Variants in AGL observed in about 807,000 individuals in gnomAD.
The protein encoded by AGL is glycogen debranching enzyme.
AGL carries 128 observed loss-of-function variants against 199.3 expected under a neutral mutation model. The observed-to-expected ratio is 0.64, with a 90% CI of 0.56 to 0.74. The LOEUF is 0.74. Ranked by LOEUF, AGL falls within the 30% of genes least tolerant of loss-of-function variation. AGL has a pLI of 0.00. For missense variants in AGL, 1,809 were observed against 1,820.8 expected (o/e 0.99, Z 0.12); for synonymous variants, 584 against 594.7 (o/e 0.98, Z 0.26).
At chr1:99,871,396 C>T (rs931332942) in intron 7 of AGL, among the ~76,000 whole-genome samples, 2 of 123,122 alleles carry the variant, frequency 1.6e-5, no homozygotes, top group African/African-American at 6.8e-5. Context: ...CATAACTAAT[C>T]AAGCAGTTAA....
chr1:99,857,534 GTGAA>G (rs1012876330), intron 2 of AGL, among the ~76,000 whole-genome samples: 4 of 152,074 alleles, frequency 2.6e-5, no homozygotes, highest in African/African-American at 7.2e-5. Context: ...TGAGCACTGA[GTGAA>G]TGAGACTCCG....
In AGL at chr1:99,884,619, A is replaced by G. The variant is rs367713487; in HGVS notation, c.2597A>G (p.His866Arg). The change falls in exon 20 of 34, where the codon CAT becomes CGT. Residue 866 changes from histidine to arginine, a missense_variant. By Grantham distance (29) the His-to-Arg change is conservative. Coordinates refer to ENST00000361915, the MANE Select transcript of AGL (RefSeq NM_000642.3). ...AQVAVGILRNHLTQFSPHFKS... is the reference protein window; with the variant it reads ...AQVAVGILRNRLTQFSPHFKS... ...GTCGCTGTTGGAATTCTTCGAAATC[A>G]TCTGACACAATTCAGTCCTCACTTT... 6.2e-7 allele frequency: 1 copy of G among 1,613,960 alleles called. No homozygotes were observed. The highest frequency in any genetic ancestry group is 8.5e-7 in the Non-Finnish European group (1 of 1,179,884).
At chr1:99,871,874 C>G (rs1651046233) in intron 7 of AGL, among the ~76,000 whole-genome samples, 1 of 151,884 alleles carries the variant, frequency 6.6e-6, no homozygotes, top group African/African-American at 2.4e-5. Context: ...CTCTTCTTTC[C>G]CAAAACCCAC....
At chr1:99,913,848 T>C (rs1654927482) in intron 30 of AGL, 110 bp downstream of exon 30, 6 of 1,021,092 alleles carry the variant, frequency 5.9e-6, no homozygotes, top group Non-Finnish European at 6.1e-6. Context: ...AGTAGTATAT[T>C]GCTTACTAGC....
chr1:99,891,483 T>G, intron 22 of AGL, 123 bp from the exon 23 acceptor site: 1 of 1,517,326 alleles, frequency 6.6e-7, no homozygotes, highest in South Asian at 1.1e-5. Flanking sequence ...CATCTTTCAG[T>G]TATAATAAAT....
At chr1:99,861,455 G>A in intron 2 of AGL, 48 bp from the exon 3 acceptor site, 3 of 1,611,792 alleles carry the variant, frequency 1.9e-6, no homozygotes, top group Non-Finnish European at 2.5e-6. Flanking sequence ...TTTCAATGTG[G>A]TAATTTAAGT....
At position 99,874,696 on chromosome 1, in the gene AGL, G is replaced by C. The variant is rs139399527; in HGVS notation, c.968G>C (p.Arg323Pro). The stretch of plus-strand genomic sequence containing the variant: ...CTTTTCTTTCTTTTAGAAAATAGGC[G>C]AGTAACCAAGTCTGATCCAAACCAA... ...FRRLLTQENR[R>P]VTKSDPNQHL... The change falls in exon 8 of 34, where the codon CGA becomes CCA. Residue 323 changes from arginine to proline, a missense_variant. Transcript: ENST00000361915. 6 of 1,590,216 alleles carry C rather than the reference G, an allele frequency of 3.8e-6. No individual in the cohort carries two copies. The highest frequency in any genetic ancestry group is 1.1e-5 in the South Asian group (1 of 90,618).
At chr1:99,896,150 T>A in intron 24 of AGL, 136 bp from the exon 25 acceptor site, 1 of 729,422 alleles carries the variant, frequency 1.4e-6, no homozygotes, top group Non-Finnish European at 2.4e-6. Flanking sequence ...GCAAATAATT[T>A]TAGAGGGTTT....
At position 99,891,686 on chromosome 1, in the gene AGL, A is replaced by G. The variant is rs905598978; in HGVS notation, c.3030A>G (p.Ile1010Met). The stretch of plus-strand genomic sequence containing the variant: ...TTATCCCATGTTACTTTGATGCTAT[A>G]TTAATTGGTGCATATACCACTCTTC... The part of the protein sequence containing the change: ...RYLIPCYFDA[I>M]LIGAYTTLLD... Residue 1010 changes from isoleucine (I) to methionine (M), a missense_variant, in exon 23 of 34, where the codon ATA becomes ATG. By Grantham distance (10) the Ile-to-Met change is conservative. Transcript: ENST00000361915. 3.1e-6 allele frequency: 5 copies of G among 1,613,610 alleles called. No individual in the cohort carries two copies. Among genetic ancestry groups the G allele is most frequent in the Admixed American group, 1.7e-5 (1 of 59,984 alleles).
At chr1:99,877,126 T>C (rs1394733573) in intron 11 of AGL, among the ~76,000 whole-genome samples, 2 of 152,066 alleles carry the variant, frequency 1.3e-5, no homozygotes, top group Non-Finnish European at 2.9e-5. Context: ...ATTTCGAAAC[T>C]AGGAGTCTAT....
At chr1:99,849,927 C>G (rs1287440532), upstream of AGL, among the ~76,000 whole-genome samples, 2 of 152,218 alleles carry the variant, frequency 1.3e-5, no homozygotes, top group Non-Finnish European at 1.5e-5. Context: ...AAAGGAAGGC[C>G]GCGCCTTGGC....
intron 20 of AGL, among the ~76,000 whole-genome samples, chr1:99,885,750 C>G (rs1652404754): frequency 6.6e-6 from 1 of 152,138 alleles, no homozygotes; most frequent in Non-Finnish European, 1.5e-5. Context: ...CCATATGGGA[C>G]TGTCTAGTTG....
chr1:99,854,088 G>A (rs947066872), intron 2 of AGL, among the ~76,000 whole-genome samples: 4 of 152,086 alleles, frequency 2.6e-5, no homozygotes, highest in Non-Finnish European at 4.4e-5. Context: ...CAGCTACCTG[G>A]GAGGCTGAGG....
At chr1:99,861,230 C>A in intron 2 of AGL, 1 of 1,297,300 alleles carries the variant, frequency 7.7e-7, no homozygotes, top group Non-Finnish European at 9.8e-7. Context: ...TTTGCACATC[C>A]CAAGTTGCTA....
intron 5 of AGL, among the ~76,000 whole-genome samples, chr1:99,868,798 T>A (rs1650746236): frequency 6.6e-6 from 1 of 150,556 alleles, no homozygotes; most frequent in Non-Finnish European, 1.5e-5. Flanking sequence ...AATAAATGGA[T>A]GAATGAGAGC....
intron 33 of AGL, among the ~76,000 whole-genome samples, chr1:99,918,575 C>G (rs1286542265): frequency 6.6e-6 from 1 of 152,082 alleles, no homozygotes; most frequent in Non-Finnish European, 1.5e-5. Context: ...CCCCCAACCT[C>G]GGCCTCCTGA....
intron 33 of AGL, among the ~76,000 whole-genome samples, chr1:99,919,930 C>G (rs1445212488): frequency 6.6e-6 from 1 of 152,154 alleles, no homozygotes; most frequent in Non-Finnish European, 1.5e-5. Context: ...ACATCCTGCT[C>G]CATACTACCT....
chr1:99,906,116 A>T (rs78972440), intron 27 of AGL, among the ~76,000 whole-genome samples: 8 of 152,060 alleles, frequency 5.3e-5, no homozygotes, highest in Admixed American at 5.2e-4. Context: ...CATCATTCCT[A>T]ATTGAAGCAG....
chr1:99,903,040 G>A (rs1441072259), intron 27 of AGL, among the ~76,000 whole-genome samples: 1 of 152,124 alleles, frequency 6.6e-6, no homozygotes, highest in East Asian at 1.9e-4. Context: ...GCCATGAACT[G>A]CATGCTTACT....
Sources: allele counts gnomAD v4.1 joint callset (sites outside exome capture counted in the v4.1 genomes callset), GRCh38; gene constraint gnomAD v4.1.1; transcripts MANE v1.5; gene names NCBI Gene and HGNC (gene_info 2026-07-23, HGNC 2026-07-21).